FBH1: variants seen among roughly 807,000 people sequenced by gnomAD.
FBH1 encodes F-box DNA helicase 1.
FBH1 carries 43 observed loss-of-function variants against 115.5 expected under a neutral mutation model. The observed-to-expected ratio is 0.37, with a 90% confidence interval of 0.29 to 0.48. The LOEUF is 0.48. Ranked by LOEUF, FBH1 falls within the 20% of genes least tolerant of loss-of-function variation. The pLI, the probability that FBH1 is intolerant of heterozygous loss-of-function variation, is 0.99. For synonymous variants in FBH1, 524 were observed against 507.8 expected, an observed-to-expected ratio of 1.03 and a Z score of -0.43; for missense variants, 1,001 against 1,337.3, an observed-to-expected ratio of 0.75 and a Z score of 3.92.
At chr10:5,891,274 G>A (rs933138314) in intron 1 of FBH1, among the ~76,000 whole-genome samples, 11 of 152,228 alleles carry the variant, frequency 7.2e-5, no homozygotes, top group Non-Finnish European at 1.5e-4. Context: ...GTTTGGTTAA[G>A]GTAACAGTGA....
chr10:5,894,444 C>T, intron 1 of FBH1: 2 of 1,562,278 alleles, frequency 1.3e-6, no homozygotes, highest in East Asian at 2.2e-5. Context: ...GTGCACTGGA[C>T]TAGGGGAGTC....
At position 5,923,836 on chromosome 10, in the gene FBH1, G is replaced by C. The variant is rs906760008; in HGVS notation, c.2398+140G>C. 5.4e-6 allele frequency: 4 copies of C among 742,642 alleles called. No individual in the cohort carries two copies. Among genetic ancestry groups the C allele is most frequent in the Non-Finnish European group, 8.7e-6 (4 of 457,504 alleles). 46.0% of individuals were successfully genotyped at this position (742,642 alleles called of 1,614,324 possible). ...TAGTGTTGCTGTCTTCCCATGACGA[G>C]GGGGGTGCCTCGGGCCTCCTGTTTT... On this transcript the variant is annotated intron_variant, in intron 16 of 20. Coordinates refer to ENST00000362091, the MANE Select transcript of FBH1 (RefSeq NM_178150.3). The surrounding 1 kb of genome is among the most constrained non-coding windows in gnomAD (Gnocchi z 5.7).
rs55696216 is a variant in FBH1, at chr10:5,923,043, C to T, written c.2323-578C>T. Among the ~76,000 whole-genome samples, 10,650 of 152,128 alleles carry T rather than the reference C, an allele frequency of 0.07. 461 individuals carry two copies. The highest frequency in any genetic ancestry group is 0.11 in the Middle Eastern group (31 of 294). On this transcript the variant is annotated intron_variant, in intron 15 of 20. Coordinates refer to ENST00000362091, the MANE Select transcript of FBH1 (RefSeq NM_178150.3). This position sits in a 1 kb window ranked among gnomAD's most constrained non-coding sequence, Gnocchi z 5.7. ...GACCATAGGCGCCTGCCACCACACC[C>T]GGCTAATTTTTGTATTTTTGGTAGA...
Position 5,911,799 on chromosome 10 carries a change from G to A in FBH1, c.1211+671G>A, listed in dbSNP as rs1016370723. On this transcript the variant is annotated intron_variant, in intron 6 of 20. Transcript: ENST00000362091. The surrounding 1 kb of genome is among the most constrained non-coding windows in gnomAD (Gnocchi z 5.4). ...TGCAGAGAAAATAGAACAGAGAGCTGTGGGGTGAATGCTGCTTTAGAGGGG... is the reference window on the plus strand; with the variant it reads ...TGCAGAGAAAATAGAACAGAGAGCTATGGGGTGAATGCTGCTTTAGAGGGG... Among the ~76,000 whole-genome samples, 3 of 152,206 alleles carry A rather than the reference G, an allele frequency of 2.0e-5. No homozygotes were observed. The highest frequency in any genetic ancestry group is 2.9e-5 in the Non-Finnish European group (2 of 68,040).
intron 19 of FBH1, among the ~76,000 whole-genome samples, chr10:5,930,162 TC>T (rs1832889047): frequency 6.6e-6 from 1 of 152,224 alleles, no homozygotes; most frequent in Non-Finnish European, 1.5e-5. Flanking sequence ...TGTACTTTTT[TC>T]CCCATAACTA....
At chr10:5,889,730 G>A (rs537719191), upstream of FBH1, 4 of 162,364 alleles carry the variant, frequency 2.5e-5, no homozygotes, top group East Asian at 1.8e-4. Context: ...TACGTGATTC[G>A]GGACTGAACA....
At position 5,925,196 on chromosome 10, in the gene FBH1, C is replaced by T. The variant is rs76487096; in HGVS notation, c.2597-171C>T. ...CTCGTCTTTTTCTTTTTTCTGTTCC[C>T]GACAGTTGTCTGTTCCCGACAGTTG... On this transcript the variant is annotated intron_variant, in intron 17 of 20. Transcript: ENST00000362091. The surrounding 1 kb of genome is among the most constrained non-coding windows in gnomAD (Gnocchi z 4.6). 4.0e-5 allele frequency: 31 copies of T among 773,348 alleles called. No individual in the cohort carries two copies. Among genetic ancestry groups the T allele is most frequent in the East Asian group, 2.3e-4 (8 of 35,536 alleles). The allele number at this position is 773,348 out of a possible 1,614,324, so 47.9% of individuals were successfully genotyped here.
intron 2 of FBH1, chr10:5,905,111 C>T (rs1843614978): frequency 6.6e-6 from 1 of 152,194 alleles, no homozygotes; most frequent in Admixed American, 6.5e-5. Context: ...AGTAAATGTT[C>T]ACTGAACAAA....
rs989353456 is a variant in FBH1 at position 5,909,207 on chromosome 10, G to A, written c.933G>A (p.Val311=). 5 of 1,612,920 alleles carry A rather than the reference G, an allele frequency of 3.1e-6. No individual in the cohort carries two copies. The highest frequency in any genetic ancestry group is 1.7e-5 in the Admixed American group (1 of 59,950). ...CTCCGAGTGTGGATCCCGAGAGGGT[G>A]CTGTGGAGTCTGAGGGACCACCCCC... ...KCSPSVDPER[V]LWSLRDHPLL... The change falls in exon 5 of 21, where the codon GTG becomes GTA. Residue 311 remains valine, a synonymous_variant. Coordinates refer to ENST00000362091, the MANE Select transcript of FBH1 (RefSeq NM_178150.3). This position sits in a 1 kb window ranked among gnomAD's most constrained non-coding sequence, Gnocchi z 4.4.
At chr10:5,926,098 A>ATTCTTATTC (rs1554809910) in intron 18 of FBH1, among the ~76,000 whole-genome samples, 1,515 of 124,880 alleles carry the variant, frequency 0.012, 23 homozygotes, top group African/African-American at 0.036. Context: ...TGTTGTTATT[A>ATTCTTATTC]TTATTCTTAT....
chr10:5,897,428 G>C lies in FBH1; in HGVS notation c.2-5592G>C, dbSNP rs528653046. On this transcript the variant is annotated intron_variant, in intron 1 of 20. Transcript: ENST00000362091. The surrounding 1 kb of genome is among the most constrained non-coding windows in gnomAD (Gnocchi z 4.7). Reference sequence around the variant, plus strand: ...GTGGACACAGGGCTCCTGGCTCCCAGTTCAGAGCATCACAGCACCTCTCTC... The same window carrying C: ...GTGGACACAGGGCTCCTGGCTCCCACTTCAGAGCATCACAGCACCTCTCTC... Among the ~76,000 whole-genome samples the C allele has an allele frequency of 3.9e-4, 60 of 152,272 alleles. No homozygotes were observed. The highest frequency in any genetic ancestry group is 1.4e-3 in the African/African-American group (59 of 41,550).
rs182335670 is a variant in FBH1 at position 5,918,518 on chromosome 10, C to T, written c.2100+40C>T. 827 of 1,523,178 alleles carry T rather than the reference C, an allele frequency of 5.4e-4. 3 individuals are homozygous for T. The African/African-American group carries it at 0.01, about 19-fold the overall frequency. 94.4% of individuals were successfully genotyped at this position (1,523,178 alleles called of 1,614,324 possible). On this transcript the variant is annotated intron_variant, in intron 13 of 20. Transcript: ENST00000362091. The surrounding 1 kb of genome is among the most constrained non-coding windows in gnomAD (Gnocchi z 4.0). ...TGCATGGGAGGCATTGCATCTCTCT[C>T]CCAATGTCTTACGTGCCAGGCCCTG...
At position 5,921,238 on chromosome 10, in the gene FBH1, C is replaced by T; in HGVS notation, c.2101-20C>T. 1 of 1,612,566 alleles carries T rather than the reference C, an allele frequency of 6.2e-7. No homozygotes were observed. The highest frequency in any genetic ancestry group is 1.3e-5 in the African/African-American group (1 of 74,992). ...CACCACAGGGCGGGCTGCTGACTCC[C>T]TCTGTCTTGTTGTTTTCAGAGTTTT... On this transcript the variant is annotated intron_variant, in intron 13 of 20. Coordinates refer to ENST00000362091, the MANE Select transcript of FBH1 (RefSeq NM_178150.3). The surrounding 1 kb of genome is among the most constrained non-coding windows in gnomAD (Gnocchi z 6.4).
rs1589086801 is a variant in FBH1 at position 5,915,741 on chromosome 10, T to C, written c.1565+170T>C. 6 of 623,516 alleles carry C rather than the reference T, an allele frequency of 9.6e-6. No individual in the cohort carries two copies. The East Asian group carries it at 1.7e-4, about 17-fold the overall frequency. The allele number at this position is 623,516 out of a possible 1,614,324, so 38.6% of individuals were successfully genotyped here. On this transcript the variant is annotated intron_variant, in intron 9 of 20. Coordinates refer to ENST00000362091, the MANE Select transcript of FBH1 (RefSeq NM_178150.3). The surrounding 1 kb of genome is among the most constrained non-coding windows in gnomAD (Gnocchi z 5.2). ...TACATAGGTTTAGCCATTTGTACTTTTATCCTGTAGCAACATATTGTTTAC... is the reference window on the plus strand; with the variant it reads ...TACATAGGTTTAGCCATTTGTACTTCTATCCTGTAGCAACATATTGTTTAC...
chr10:5,932,842 C>T lies in FBH1; in HGVS notation c.2830-3614C>T, dbSNP rs1309351902. On this transcript the variant is annotated intron_variant, in intron 19 of 20. Transcript: ENST00000362091. This position sits in a 1 kb window ranked among gnomAD's most constrained non-coding sequence, Gnocchi z 5.9. Reference sequence around the variant, plus strand: ...AAGCCATCCTCCCACCTCAGCCTCCCGAGCAGCTGGGACTACAGGTGTGTG... The same window carrying T: ...AAGCCATCCTCCCACCTCAGCCTCCTGAGCAGCTGGGACTACAGGTGTGTG... Among the ~76,000 whole-genome samples the T allele has an allele frequency of 6.6e-6, 1 of 152,088 alleles. No individual in the cohort carries two copies. Among genetic ancestry groups the T allele is most frequent in the Non-Finnish European group, 1.5e-5 (1 of 68,020 alleles).
Position 5,933,665 on chromosome 10 carries a change from CAG to C in FBH1, c.2830-2788_2830-2787del, listed in dbSNP as rs1485456817. Reference sequence around the variant, plus strand: ...CTGTTTTTTTTTTTTTTTTAAAAAACAGAGTCTCACTCTGTCGCCCAGGCTGG... The same window carrying C: ...CTGTTTTTTTTTTTTTTTTAAAAAACAGTCTCACTCTGTCGCCCAGGCTGG... On this transcript the variant is annotated intron_variant, in intron 19 of 20. Coordinates refer to ENST00000362091, the MANE Select transcript of FBH1 (RefSeq NM_178150.3). The surrounding 1 kb of genome is among the most constrained non-coding windows in gnomAD (Gnocchi z 4.9). Among the ~76,000 whole-genome samples the C allele has an allele frequency of 8.9e-5, 13 of 146,804 alleles. No homozygotes were observed. Among genetic ancestry groups the C allele is most frequent in the African/African-American group, 2.5e-4 (10 of 39,914 alleles).
At position 5,925,653 on chromosome 10, in the gene FBH1, G is replaced by C. The variant is rs1439855102; in HGVS notation, c.2722+161G>C. Among the ~76,000 whole-genome samples, 3 of 152,144 alleles carry C rather than the reference G, an allele frequency of 2.0e-5. No individual in the cohort carries two copies. Among genetic ancestry groups the C allele is most frequent in the African/African-American group, 7.2e-5 (3 of 41,444 alleles). On this transcript the variant is annotated intron_variant, in intron 18 of 20. Transcript: ENST00000362091. This position sits in a 1 kb window ranked among gnomAD's most constrained non-coding sequence, Gnocchi z 4.6. ...AAACACCTCCTAGTCCTAAACTTTTGATTCTTATACTGTGGTTTTTTAAAA... is the reference window on the plus strand; with the variant it reads ...AAACACCTCCTAGTCCTAAACTTTTCATTCTTATACTGTGGTTTTTTAAAA...
At chr10:5,896,267 A>G (rs1842997859) in intron 1 of FBH1, among the ~76,000 whole-genome samples, 1 of 151,898 alleles carries the variant, frequency 6.6e-6, no homozygotes, top group Non-Finnish European at 1.5e-5. Context: ...GTGGGCTGGG[A>G]GGGGATAGAC....
At position 5,913,535 on chromosome 10, in the gene FBH1, A is replaced by T. The variant is rs1243969204; in HGVS notation, c.1212-212A>T. Reference sequence around the variant, plus strand: ...TCTCTTCCTCCTCTTGGAGATATACATAGAAACTACACCTTTCCCAGGACT... The same window carrying T: ...TCTCTTCCTCCTCTTGGAGATATACTTAGAAACTACACCTTTCCCAGGACT... On this transcript the variant is annotated intron_variant, in intron 6 of 20. Coordinates refer to ENST00000362091, the MANE Select transcript of FBH1 (RefSeq NM_178150.3). The surrounding 1 kb of genome is among the most constrained non-coding windows in gnomAD (Gnocchi z 4.4). Among the ~76,000 whole-genome samples, 2 of 152,142 alleles carry T rather than the reference A, an allele frequency of 1.3e-5. No homozygotes were observed. The highest frequency in any genetic ancestry group is 6.5e-5 in the Admixed American group (1 of 15,274).
Sources: gnomAD v4.1 joint callset for allele counts (sites outside exome capture counted in the v4.1 genomes callset) on GRCh38, gnomAD v4.1.1 for gene constraint, Gnocchi (gnomAD v3.1) non-coding constraint, MANE v1.5 for transcripts, NCBI Gene and HGNC (gene_info 2026-07-23, HGNC 2026-07-21) for gene names.